Variants in CHD9NB observed in about 807,000 individuals in gnomAD.
CHD9NB encodes the protein CHD9 neighbor protein.
the CHD9NB span, chr16:53,043,628 C>T: frequency 6.0e-6 from 1 of 166,488 alleles, no homozygotes; most frequent in Admixed American, 6.4e-5. Context: ...CGCCTTCTGA[C>T]TTCAGGAAAG....
At chr16:53,051,382 A>G in the CHD9NB span, among the ~76,000 whole-genome samples, 2 of 152,144 alleles carry the variant, frequency 1.3e-5, no homozygotes, top group African/African-American at 2.4e-5. Context: ...ATGTCCAACA[A>G]TGATAGTCTG....
At chr16:53,049,385 A>C in the CHD9NB span, among the ~76,000 whole-genome samples, 2 of 150,774 alleles carry the variant, frequency 1.3e-5, no homozygotes, top group Non-Finnish European at 2.9e-5. Context: ...TATGTTGCCT[A>C]GGCTGGTCTC....
the CHD9NB span, chr16:53,043,290 G>T: frequency 6.6e-6 from 1 of 152,216 alleles, no homozygotes; most frequent in African/African-American, 2.4e-5. Context: ...AGAGATATGT[G>T]AATGTTAGCA....
the CHD9NB span, among the ~76,000 whole-genome samples, chr16:53,048,080 G>A: frequency 1.3e-5 from 2 of 151,054 alleles, no homozygotes; most frequent in South Asian, 4.2e-4. Context: ...AGGAAGGAAG[G>A]AAAGAAAAAA....
chr16:53,047,865 G>A, the CHD9NB span, among the ~76,000 whole-genome samples: 1 of 151,908 alleles, frequency 6.6e-6, no homozygotes, highest in Non-Finnish European at 1.5e-5. Flanking sequence ...AGGTGTGGTG[G>A]TGTGCACCTG....
At chr16:53,045,373 T>C in the CHD9NB span, among the ~76,000 whole-genome samples, 2 of 152,190 alleles carry the variant, frequency 1.3e-5, no homozygotes, top group African/African-American at 4.8e-5. Flanking sequence ...CTGGGACACA[T>C]GGGTAAAGGT....
chr16:53,051,784 T>C, the CHD9NB span, among the ~76,000 whole-genome samples: 2 of 42,756 alleles, frequency 4.7e-5, no homozygotes, highest in African/African-American at 9.3e-5. Flanking sequence ...TATATATATA[T>C]ATATATATAT....
At chr16:53,044,125 C>T in the CHD9NB span, 4 of 398,702 alleles carry the variant, frequency 1.0e-5, no homozygotes, top group East Asian at 1.1e-4. Flanking sequence ...GACTCAGCTG[C>T]CACCGTGGTG....
At chr16:53,041,833 G>A in the CHD9NB span, among the ~76,000 whole-genome samples, 5 of 151,898 alleles carry the variant, frequency 3.3e-5, no homozygotes, top group East Asian at 3.9e-4. Flanking sequence ...TCCCCAGTAA[G>A]CTGTGCAAAG....
the CHD9NB span, among the ~76,000 whole-genome samples, chr16:53,036,758 G>A: frequency 1.3e-5 from 2 of 152,168 alleles, no homozygotes; most frequent in Non-Finnish European, 2.9e-5. Flanking sequence ...AACATTTAAA[G>A]CTAATCACTA....
At chr16:53,050,215 C>T in the CHD9NB span, among the ~76,000 whole-genome samples, 2 of 151,962 alleles carry the variant, frequency 1.3e-5, no homozygotes, top group Non-Finnish European at 2.9e-5. Context: ...ATAATAATAA[C>T]TGCTTCCTGG....
the CHD9NB span, among the ~76,000 whole-genome samples, chr16:53,044,807 C>G: frequency 2.6e-5 from 4 of 152,226 alleles, no homozygotes; most frequent in African/African-American, 9.6e-5. Flanking sequence ...TCATTTAACA[C>G]ATGGAGACAC....
the CHD9NB span, among the ~76,000 whole-genome samples, chr16:53,040,260 G>C: frequency 2.0e-5 from 3 of 151,834 alleles, no homozygotes; most frequent in East Asian, 3.9e-4. Context: ...ATTTTTAGTA[G>C]AGACGGGGTT....
chr16:53,041,787 A>AT, the CHD9NB span, among the ~76,000 whole-genome samples: 19 of 152,062 alleles, frequency 1.2e-4, no homozygotes, highest in African/African-American at 3.6e-4. Context: ...TCTTAAAAAA[A>AT]AAAAAAATTG....
the CHD9NB span, among the ~76,000 whole-genome samples, chr16:53,038,028 G>A: frequency 2.0e-5 from 3 of 152,204 alleles, no homozygotes; most frequent in African/African-American, 7.2e-5. Flanking sequence ...GTGTAATTCA[G>A]TCTGAGGCGG....
chr16:53,044,133 G>C, the CHD9NB span: 1 of 398,628 alleles, frequency 2.5e-6, no homozygotes, highest in Admixed American at 4.4e-5. Flanking sequence ...TGCCACCGTG[G>C]TGCTCTTGCT....
the CHD9NB span, chr16:53,047,346 AT>A: frequency 6.6e-6 from 1 of 152,218 alleles, no homozygotes; most frequent in African/African-American, 2.4e-5. Flanking sequence ...ATTTACCTGT[AT>A]TAGTGAGCCC....
chr16:53,041,217 C>G, the CHD9NB span, among the ~76,000 whole-genome samples: 1 of 152,234 alleles, frequency 6.6e-6, no homozygotes, highest in Non-Finnish European at 1.5e-5. Flanking sequence ...GGGAAGTTGG[C>G]CTTTGCAGGC....
At chr16:53,043,453 C>A in the CHD9NB span, 1 of 152,310 alleles carries the variant, frequency 6.6e-6, no homozygotes, top group South Asian at 2.1e-4. Flanking sequence ...TCCATAGTTT[C>A]TTAACAACAT....
Sources: gnomAD v4.1 joint callset for allele counts (sites outside exome capture counted in the v4.1 genomes callset) on GRCh38, gnomAD v4.1.1 for gene constraint, MANE v1.5 for transcripts, NCBI Gene and HGNC (gene_info 2026-07-23, HGNC 2026-07-21) for gene names.